ETNK1: variants seen among roughly 807,000 people sequenced by gnomAD.
ETNK1 encodes the protein ethanolamine kinase 1, also known as putative protein product of Nbla10396.
In ETNK1, 8 loss-of-function variants were observed where a neutral mutation model predicts 45.1. The observed-to-expected ratio is 0.18, with a 90% CI of 0.10 to 0.32. The LOEUF (loss-of-function observed/expected upper bound fraction) is 0.32, where lower values mean the gene tolerates loss of function less well. ETNK1 is among the 10% of genes least tolerant of loss of function. The probability of loss-of-function intolerance (pLI) is 1.00; values close to 1 mark genes in which losing one functional copy is unlikely to be tolerated. For missense variants in ETNK1, 302 were observed against 430.6 expected (o/e 0.70, Z 2.64); for synonymous variants, 152 against 151.9 (o/e 1.00, Z -0.01).
intron 3 of ETNK1, among the ~76,000 whole-genome samples, chr12:22,659,936 A>G (rs1347800332): frequency 6.6e-6 from 1 of 151,702 alleles, no homozygotes; most frequent in Non-Finnish European, 1.5e-5. Context: ...CAATTAAAAT[A>G]TTAAATACAT....
intron 1 of ETNK1, among the ~76,000 whole-genome samples, chr12:22,640,970 G>A (rs1204598829): frequency 1.3e-5 from 2 of 152,166 alleles, no homozygotes; most frequent in Non-Finnish European, 2.9e-5. Context: ...TATAGCTAGA[G>A]TGTGTATAGT....
In ETNK1 at chr12:22,688,262, C is replaced by T. The variant is rs1456333052; in HGVS notation, c.*3308C>T. On this transcript the variant is annotated 3_prime_UTR_variant, in exon 8 of 8. Coordinates refer to ENST00000266517, the MANE Select transcript of ETNK1 (RefSeq NM_018638.5). ...AACTTAAGCATATCTCAAATGACTT[C>T]TCTAAATTTAAAGTTGATCATGATA... The T allele has an allele frequency of 6.6e-6, 1 of 151,690 alleles. No individual in the cohort carries two copies. Among genetic ancestry groups the T allele is most frequent in the Non-Finnish European group, 1.5e-5 (1 of 67,736 alleles). 9.4% of individuals were successfully genotyped at this position (151,690 alleles called of 1,614,324 possible). A position where few individuals can be genotyped will look rare whatever the true frequency, so the allele number is the denominator to read the frequency against.
chr12:22,644,762 A>G (rs777994322), intron 2 of ETNK1, among the ~76,000 whole-genome samples: 4 of 152,024 alleles, frequency 2.6e-5, no homozygotes, highest in Non-Finnish European at 5.9e-5. Context: ...TGATGAAATT[A>G]TCACATATCA....
chr12:22,683,069 G>A lies in ETNK1; in HGVS notation c.946-1414G>A, dbSNP rs192052502. On this transcript the variant is annotated intron_variant, in intron 6 of 7. Transcript: ENST00000266517. ...AATATTTGTTATATGCCAGCTATAG[G>A]TACTATTATGACCTACATTTTACAG... Among the ~76,000 whole-genome samples, 7 of 152,134 alleles carry A rather than the reference G, an allele frequency of 4.6e-5. No individual in the cohort carries two copies. The East Asian group carries it at 5.8e-4, about 13-fold the overall frequency.
At chr12:22,643,389 T>A (rs1324747175) in intron 1 of ETNK1, among the ~76,000 whole-genome samples, 2 of 152,006 alleles carry the variant, frequency 1.3e-5, no homozygotes, top group African/African-American at 2.4e-5. Flanking sequence ...TATGTGTACA[T>A]TCCCTGTATG....
chr12:22,671,447 G>T (rs1321084629), intron 5 of ETNK1, 92 bp downstream of exon 5: 2 of 865,962 alleles, frequency 2.3e-6, no homozygotes, highest in Non-Finnish European at 3.7e-6. Context: ...TGAGCAGGGG[G>T]AACATTTTCC....
At chr12:22,668,418 G>A (rs1234286122) in intron 4 of ETNK1, among the ~76,000 whole-genome samples, 1 of 152,136 alleles carries the variant, frequency 6.6e-6, no homozygotes, top group Non-Finnish European at 1.5e-5. Context: ...CCTAACTAAG[G>A]GAAGTTGGCT....
intron 6 of ETNK1, among the ~76,000 whole-genome samples, chr12:22,675,217 G>C (rs1248493009): frequency 7.3e-6 from 1 of 136,912 alleles, no homozygotes; most frequent in African/African-American, 2.5e-5. Context: ...CACCATGCCT[G>C]GCTAATTTTT....
At chr12:22,640,620 C>T (rs560686837) in intron 1 of ETNK1, among the ~76,000 whole-genome samples, 9 of 152,110 alleles carry the variant, frequency 5.9e-5, no homozygotes, top group East Asian at 1.9e-4. Flanking sequence ...TACGAGCTTA[C>T]GGTGTGCCAA....
intron 2 of ETNK1, among the ~76,000 whole-genome samples, chr12:22,650,452 CTCTT>C (rs1316123031): frequency 3.3e-5 from 5 of 151,860 alleles, no homozygotes; most frequent in African/African-American, 9.7e-5. Context: ...AAGATACTCT[CTCTT>C]TATTCCTAGT....
chr12:22,658,761 C>T (rs1227087521), intron 2 of ETNK1, among the ~76,000 whole-genome samples: 2 of 151,998 alleles, frequency 1.3e-5, no homozygotes, highest in Non-Finnish European at 2.9e-5. Context: ...CTGAAGATGG[C>T]CAGAGTAATC....
Position 22,687,507 on chromosome 12 carries a change from G to A in ETNK1, c.*2553G>A, listed in dbSNP as rs1288428544. The A allele has an allele frequency of 6.6e-6, 1 of 152,182 alleles. No individual in the cohort carries two copies. Among genetic ancestry groups the A allele is most frequent in the African/African-American group, 2.4e-5 (1 of 41,394 alleles). 9.4% of individuals were successfully genotyped at this position (152,182 alleles called of 1,614,324 possible). ...GTTAGTCAATAGACCATAGTGGCCT[G>A]GATGCTTTAACAAGCCAAATTCCGC... is the stretch of plus-strand genomic sequence containing the variant. On this transcript the variant is annotated 3_prime_UTR_variant, in exon 8 of 8. Coordinates refer to ENST00000266517, the MANE Select transcript of ETNK1 (RefSeq NM_018638.5).
intron 5 of ETNK1, among the ~76,000 whole-genome samples, chr12:22,671,763 C>T (rs1340309881): frequency 6.7e-6 from 1 of 149,394 alleles, no homozygotes; most frequent in Non-Finnish European, 1.5e-5. Context: ...GGCGTGAACC[C>T]GGGAGGCAGA....
rs1463706253 is a variant in ETNK1 at position 22,638,897 on chromosome 12, A to G, written c.157-4866A>G. On this transcript the variant is annotated intron_variant, in intron 1 of 7. Coordinates refer to ENST00000266517, the MANE Select transcript of ETNK1 (RefSeq NM_018638.5). ...TGTCTTTGTCTTTGTGTATTTCAGT[A>G]TAAATTTGTAAACATAAAAAGTTAT... 6 of 152,298 alleles carry G rather than the reference A, an allele frequency of 3.9e-5. No individual in the cohort carries two copies. The East Asian group carries it at 9.7e-4, about 25-fold the overall frequency. The allele number at this position is 152,298 out of a possible 1,614,324, so 9.4% of individuals were successfully genotyped here.
chr12:22,672,891 G>A (rs1242846190), intron 5 of ETNK1, among the ~76,000 whole-genome samples: 1 of 152,110 alleles, frequency 6.6e-6, no homozygotes, highest in Non-Finnish European at 1.5e-5. Context: ...AATTTGTGGG[G>A]TAATGACTTT....
Position 22,661,076 on chromosome 12 carries a change from A to G in ETNK1, c.571A>G (p.Ile191Val), listed in dbSNP as rs1229920552. The change falls in exon 4 of 8, where the codon ATC becomes GTC. Residue 191 changes from isoleucine (I) to valine (V), a missense_variant. Transcript: ENST00000266517. ...EDINKRFLSDIPSSQILQEEM... is the reference protein window; with the variant it reads ...EDINKRFLSDVPSSQILQEEM... ...TAAAACTAAAAGGTTCCTAAGTGAT[A>G]TCCCAAGCTCTCAGATTCTCCAGGA... is the stretch of plus-strand genomic sequence containing the variant. 1 of 1,609,298 alleles carries G rather than the reference A, an allele frequency of 6.2e-7. No individual in the cohort carries two copies. The highest frequency in any genetic ancestry group is 8.5e-7 in the Non-Finnish European group (1 of 1,178,794).
In ETNK1 at chr12:22,643,843, T is replaced by A. The variant is rs758229922; in HGVS notation, c.237T>A (p.Ile79=). Residue 79 remains isoleucine, a synonymous_variant, in exon 2 of 8, where the codon ATT becomes ATA. Coordinates refer to ENST00000266517, the MANE Select transcript of ETNK1 (RefSeq NM_018638.5). ...NTMEDVVLVR[I]YGNKTELLVD... ...TGGAGGATGTAGTCCTGGTGAGAAT[T>A]TATGGCAATAAGACTGAGTTATTAG... The A allele has an allele frequency of 1.4e-5, 23 of 1,613,322 alleles. No homozygotes were observed. The African/African-American group carries it at 2.9e-4, about 21-fold the overall frequency.
At chr12:22,645,540 CTTTG>C (rs1028961863) in intron 2 of ETNK1, among the ~76,000 whole-genome samples, 7 of 151,472 alleles carry the variant, frequency 4.6e-5, no homozygotes, top group African/African-American at 1.5e-4. Flanking sequence ...ATGCCAAAGC[CTTTG>C]TTTATTTTTT....
chr12:22,670,232 A>G (rs1954094358), intron 4 of ETNK1, among the ~76,000 whole-genome samples: 1 of 152,188 alleles, frequency 6.6e-6, no homozygotes, highest in South Asian at 2.1e-4. Flanking sequence ...CTGATGATTA[A>G]AAGACAGTGT....
Sources: gnomAD v4.1 joint callset for allele counts (sites outside exome capture counted in the v4.1 genomes callset) on GRCh38, gnomAD v4.1.1 for gene constraint, MANE v1.5 for transcripts, NCBI Gene and HGNC (gene_info 2026-07-23, HGNC 2026-07-21) for gene names.